IBTK: variants seen among roughly 807,000 people sequenced by gnomAD.
IBTK encodes the protein inhibitor of Bruton tyrosine kinase, also known as BTK-binding protein.
IBTK carries 83 observed loss-of-function variants against 154.9 expected under a neutral mutation model. The observed-to-expected ratio is 0.54, with a 90% CI of 0.45 to 0.64. IBTK has a LOEUF of 0.64. Ranked by LOEUF, IBTK falls within the 30% of genes least tolerant of loss-of-function variation. The pLI, the probability that IBTK is intolerant of heterozygous loss-of-function variation, is 0.00. For missense variants in IBTK, 1,332 were observed against 1,584.6 expected (o/e 0.84, Z 2.71); for synonymous variants, 515 against 536.1 (o/e 0.96, Z 0.54).
rs1768779275 is a variant in IBTK at position 82,191,805 on chromosome 6, G to A, written c.3413C>T (p.Thr1138Ile). Residue 1138 changes from threonine to isoleucine, a missense_variant, in exon 24 of 29, where the codon ACA becomes ATA. Thr to Ile is a moderately conservative substitution (Grantham distance 89, BLOSUM62 -1). This residue lies in a region of IBTK where 1,134 missense variants were observed against 1,274.7 expected (regional missense o/e 0.89). Coordinates refer to ENST00000306270, the MANE Select transcript of IBTK (RefSeq NM_015525.4). ...IEESRQKCGA[T>I]PKSHLGKTVS... The stretch of plus-strand genomic sequence containing the variant: ...AACCCACCCTAAATGTGACTTTGGT[G>A]TAGCTCCACATTTTTGTCTACTTTC... The A allele has an allele frequency of 2.5e-6, 4 of 1,603,124 alleles. No homozygotes were observed. The African/African-American group carries it at 4.0e-5, about 16-fold the overall frequency.
chr6:82,200,304 TA>T (rs750877847), intron 20 of IBTK, 51 bp from the exon 21 acceptor site: 5 of 1,245,046 alleles, frequency 4.0e-6, no homozygotes. Context: ...GTAACTAAGA[TA>T]AATGCACTTA....
intron 3 of IBTK, among the ~76,000 whole-genome samples, chr6:82,232,539 T>C (rs1343577294): frequency 6.6e-6 from 1 of 152,234 alleles, no homozygotes. Flanking sequence ...ACTGTTAACC[T>C]GCAATGCAGT....
chr6:82,180,907 T>C (rs1768296986), intron 26 of IBTK, among the ~76,000 whole-genome samples: 1 of 152,148 alleles, frequency 6.6e-6, no homozygotes, highest in African/African-American at 2.4e-5. Flanking sequence ...GGACATAACA[T>C]ATCTTACTTA....
At position 82,240,633 on chromosome 6, in the gene IBTK, A is replaced by C. The variant is rs1454749004; in HGVS notation, c.-147T>G. Reference sequence around the variant, plus strand: ...TTTAAATCCTCCTGACAATAGTATAAAACTATATATCTTTATACAATTTTT... The same window carrying C: ...TTTAAATCCTCCTGACAATAGTATACAACTATATATCTTTATACAATTTTT... On this transcript the variant is annotated 5_prime_UTR_variant, in exon 2 of 29. Coordinates refer to ENST00000306270, the MANE Select transcript of IBTK (RefSeq NM_015525.4). 1.5e-6 allele frequency: 1 copy of C among 648,608 alleles called. No individual in the cohort carries two copies. The highest frequency in any genetic ancestry group is 2.6e-6 in the Non-Finnish European group (1 of 388,990). The allele number at this position is 648,608 out of a possible 1,614,324, so 40.2% of individuals were successfully genotyped here.
At chr6:82,224,619 C>T (rs977439974) in intron 6 of IBTK, among the ~76,000 whole-genome samples, 1 of 152,164 alleles carries the variant, frequency 6.6e-6, no homozygotes, top group African/African-American at 2.4e-5. Flanking sequence ...CTGTGCACTA[C>T]TGTGCACCTT....
At chr6:82,241,492 T>C (rs534536334) in intron 1 of IBTK, among the ~76,000 whole-genome samples, 14 of 152,298 alleles carry the variant, frequency 9.2e-5, no homozygotes, top group African/African-American at 3.4e-4. Context: ...TTAAAACAAC[T>C]GGATAGCTAT....
Position 82,235,942 on chromosome 6 carries a change from C to T in IBTK, c.322-1687G>A, listed in dbSNP as rs141212813. On this transcript the variant is annotated intron_variant, in intron 2 of 28. Transcript: ENST00000306270. ...AGGCTGGAGTGCAATGGCGTGACCT[C>T]GGCTCACTGCAACCTCCATCTCCTG... is the stretch of plus-strand genomic sequence containing the variant. Among the ~76,000 whole-genome samples the T allele has an allele frequency of 3.7e-4, 57 of 152,182 alleles. 1 individual carries two copies. Among genetic ancestry groups the T allele is most frequent in the African/African-American group, 1.2e-3 (51 of 41,520 alleles).
chr6:82,242,709 G>C (rs1183264828), intron 1 of IBTK, among the ~76,000 whole-genome samples: 1 of 152,100 alleles, frequency 6.6e-6, no homozygotes, highest in East Asian at 1.9e-4. Flanking sequence ...CACTTTGGGA[G>C]GCCGGGGTGG....
At chr6:82,173,013 T>A (rs1562065592) in intron 27 of IBTK, 1 of 155,808 alleles carries the variant, frequency 6.4e-6, no homozygotes, top group Non-Finnish European at 1.4e-5. Flanking sequence ...TTTTTTTTTT[T>A]TTTTTTGAGA....
In IBTK at chr6:82,187,105, G is replaced by A. The variant is rs140106558; in HGVS notation, c.3575+3968C>T. 6.4e-4 allele frequency among the ~76,000 whole-genome samples: 97 copies of A among 151,828 alleles called. 1 individual carries two copies. In the East Asian group the frequency reaches 9.1e-3, roughly 14 times the overall value. On this transcript the variant is annotated intron_variant, in intron 25 of 28. Coordinates refer to ENST00000306270, the MANE Select transcript of IBTK (RefSeq NM_015525.4). The stretch of plus-strand genomic sequence containing the variant: ...TAATTTTTGTATTTTTAGTAGAGAC[G>A]GGGTTTTTCCATGTTGGCCAGGCTG...
At position 82,175,546 on chromosome 6, in the gene IBTK, T is replaced by C. The variant is rs746361482; in HGVS notation, c.3726-2108A>G. On this transcript the variant is annotated intron_variant, in intron 26 of 28. Coordinates refer to ENST00000306270, the MANE Select transcript of IBTK (RefSeq NM_015525.4). ...TTCTTCTTAAAATGAACCAAATTTG[T>C]CAAATAAAATAGAGCTATGATTAAA... 4.1e-4 allele frequency among the ~76,000 whole-genome samples: 62 copies of C among 152,198 alleles called. 1 individual carries two copies. Among genetic ancestry groups the C allele is most frequent in the South Asian group, 2.1e-4 (1 of 4,830 alleles).
At chr6:82,213,994 C>CTGT (rs1438857479) in intron 12 of IBTK, among the ~76,000 whole-genome samples, 1 of 151,590 alleles carries the variant, frequency 6.6e-6, no homozygotes, top group East Asian at 1.9e-4. Flanking sequence ...CTCGCTCTGT[C>CTGT]GCCCAGGCTG....
chr6:82,221,331 T>C (rs1037901960), intron 8 of IBTK, among the ~76,000 whole-genome samples: 4 of 152,064 alleles, frequency 2.6e-5, no homozygotes, highest in Admixed American at 6.6e-5. Context: ...CTTAAAAAAG[T>C]AAATAAATAA....
intron 23 of IBTK, among the ~76,000 whole-genome samples, chr6:82,192,564 T>C (rs1768807783): frequency 6.7e-6 from 1 of 150,196 alleles, no homozygotes; most frequent in African/African-American, 2.5e-5. Flanking sequence ...CTGGCCTATG[T>C]GGTGGAATCC....
intron 2 of IBTK, among the ~76,000 whole-genome samples, chr6:82,234,988 G>T (rs1770661801): frequency 1.3e-5 from 2 of 151,770 alleles, no homozygotes. Flanking sequence ...AGCCTCCCGA[G>T]TAGCTGGGAT....
At position 82,225,503 on chromosome 6, in the gene IBTK, G is replaced by A. The variant is rs779598725; in HGVS notation, c.799C>T (p.Pro267Ser). 6.2e-7 allele frequency: 1 copy of A among 1,612,682 alleles called. No individual in the cohort carries two copies. The highest frequency in any genetic ancestry group is 8.5e-7 in the Non-Finnish European group (1 of 1,179,422). The part of the protein sequence containing the change: ...IFHQLGIIPP[P>S]SSCNVPRQIQ... ...TGTCTGGGTACATTACAACTGGAAG[G>A]CGGTGGAATAATTCCTAATTGATGA... The change falls in exon 6 of 29, where the codon CCT becomes TCT. Residue 267 changes from proline to serine, a missense_variant. Around this residue, in one of 3 missense-constraint regions of IBTK, gnomAD observed 1,134 missense variants for 1,274.7 expected, o/e 0.89. Transcript: ENST00000306270.
intron 5 of IBTK, among the ~76,000 whole-genome samples, chr6:82,226,168 G>A (rs982328717): frequency 6.6e-6 from 1 of 152,008 alleles, no homozygotes; most frequent in African/African-American, 2.4e-5. Flanking sequence ...GTCAATAAAC[G>A]ATTGCTATTA....
chr6:82,234,963 C>G (rs1024033601), intron 2 of IBTK, among the ~76,000 whole-genome samples: 2 of 152,020 alleles, frequency 1.3e-5, no homozygotes, highest in Non-Finnish European at 2.9e-5. Context: ...CAGGTTCAAA[C>G]AATTCTCCTG....
At chr6:82,247,066 C>A (rs780095059) in intron 1 of IBTK, among the ~76,000 whole-genome samples, 35 of 152,188 alleles carry the variant, frequency 2.3e-4, no homozygotes, top group Admixed American at 1.8e-3. Context: ...CTCAACCCTC[C>A]ACCCTCCAAA....
Sources: gnomAD v4.1 joint callset for allele counts (sites outside exome capture counted in the v4.1 genomes callset) on GRCh38, gnomAD v4.1.1 for gene constraint, gnomAD v4.1.1 regional missense constraint, MANE v1.5 for transcripts, NCBI Gene and HGNC (gene_info 2026-07-23, HGNC 2026-07-21) for gene names.